The following KCNH8 variants were observed in gnomAD, a reference collection of about 807,000 sequenced individuals.
The protein encoded by KCNH8 is potassium voltage-gated channel subfamily H member 8.
A neutral mutation model predicts 103.6 loss-of-function variants in KCNH8; 70 were observed. The ratio of observed to expected loss-of-function variants is 0.68; its 90% confidence interval spans 0.56 to 0.82. The LOEUF (loss-of-function observed/expected upper bound fraction) is 0.82. Ranked by LOEUF, KCNH8 falls within the 40% of genes least tolerant of loss-of-function variation. The pLI is 0.00. For missense variants in KCNH8, 1,217 were observed against 1,329.9 expected, an observed-to-expected ratio of 0.92 and a Z score of 1.32; for synonymous variants, 498 against 489.4, an observed-to-expected ratio of 1.02 and a Z score of -0.23.
chr3:19,154,917 T>G (rs182047941), intron 1 of KCNH8, among the ~76,000 whole-genome samples: 79 of 152,384 alleles, frequency 5.2e-4, no homozygotes, highest in African/African-American at 1.8e-3. Flanking sequence ...CTAAATGCTG[T>G]GTTTAAAATC....
intron 11 of KCNH8, among the ~76,000 whole-genome samples, chr3:19,510,010 AAGG>A (rs1405352457): frequency 6.6e-6 from 1 of 152,142 alleles, no homozygotes; most frequent in African/African-American, 2.4e-5. Context: ...GGAAAAAAAA[AAGG>A]AGAGAGAATG....
intron 2 of KCNH8, among the ~76,000 whole-genome samples, chr3:19,273,561 A>C (rs923009784): frequency 6.6e-6 from 1 of 152,186 alleles, no homozygotes; most frequent in Non-Finnish European, 1.5e-5. Context: ...TGCATCCTAC[A>C]CAGAGCTGCC....
At chr3:19,341,315 TTCTA>T (rs1199601209) in intron 3 of KCNH8, among the ~76,000 whole-genome samples, 1 of 152,078 alleles carries the variant, frequency 6.6e-6, no homozygotes, top group African/African-American at 2.4e-5. Flanking sequence ...CTCAGGTGTT[TTCTA>T]TCTATCAGGA....
chr3:19,182,735 T>TA (rs2063466999), intron 1 of KCNH8, among the ~76,000 whole-genome samples: 1 of 152,306 alleles, frequency 6.6e-6, no homozygotes, highest in East Asian at 1.9e-4. Context: ...TGAGTGAGCG[T>TA]AAGTAAGAAC....
chr3:19,386,355 G>C (rs2066356347), intron 5 of KCNH8, among the ~76,000 whole-genome samples: 1 of 152,012 alleles, frequency 6.6e-6, no homozygotes, highest in Non-Finnish European at 1.5e-5. Context: ...ATTATATTCT[G>C]CTTCTTTTGG....
At chr3:19,504,388 C>G (rs1447956887) in intron 11 of KCNH8, among the ~76,000 whole-genome samples, 1 of 151,908 alleles carries the variant, frequency 6.6e-6, no homozygotes, top group Non-Finnish European at 1.5e-5. Flanking sequence ...ACACTATCAA[C>G]AAACAGCCTA....
At chr3:19,198,794 G>A (rs2063627878) in intron 1 of KCNH8, among the ~76,000 whole-genome samples, 1 of 152,010 alleles carries the variant, frequency 6.6e-6, no homozygotes, top group East Asian at 1.9e-4. Context: ...GTATTTCTTA[G>A]AATGTTGAAT....
chr3:19,239,187 T>C (rs921596719), intron 1 of KCNH8, among the ~76,000 whole-genome samples: 1 of 152,148 alleles, frequency 6.6e-6, no homozygotes, highest in Non-Finnish European at 1.5e-5. Context: ...CATCTGGCTA[T>C]AGGCTTTTGC....
Position 19,487,405 on chromosome 3 carries a change from C to T in KCNH8, c.2041-22958C>T, listed in dbSNP as rs1461413882. Among the ~76,000 whole-genome samples, 5 of 152,142 alleles carry T rather than the reference C, an allele frequency of 3.3e-5. 1 individual carries two copies. Among genetic ancestry groups the T allele is most frequent in the Non-Finnish European group, 2.9e-5 (2 of 68,026 alleles). On this transcript the variant is annotated intron_variant, in intron 11 of 15. Coordinates refer to ENST00000328405, the MANE Select transcript of KCNH8 (RefSeq NM_144633.3). ...CTGGCCGGTAGTCCTTTGTCCCTGGCTTAGGGACAGGCAGGAGGTAGGTGT... is the reference window on the plus strand; with the variant it reads ...CTGGCCGGTAGTCCTTTGTCCCTGGTTTAGGGACAGGCAGGAGGTAGGTGT...
intron 3 of KCNH8, among the ~76,000 whole-genome samples, chr3:19,340,362 T>A (rs186121033): frequency 6.6e-6 from 1 of 150,826 alleles, no homozygotes; most frequent in East Asian, 1.9e-4. Context: ...TTTTAATTTT[T>A]TTTTTTTTTA....
chr3:19,216,555 G>A (rs1273848877), intron 1 of KCNH8, among the ~76,000 whole-genome samples: 1 of 152,176 alleles, frequency 6.6e-6, no homozygotes, highest in Non-Finnish European at 1.5e-5. Flanking sequence ...ATAAGCAAGT[G>A]TCACCAGCAG....
chr3:19,242,220 A>G (rs1328492174), intron 1 of KCNH8, among the ~76,000 whole-genome samples: 3 of 152,202 alleles, frequency 2.0e-5, no homozygotes, highest in Non-Finnish European at 4.4e-5. Flanking sequence ...ATTTTTCTGC[A>G]AAGATTTCTA....
chr3:19,411,776 GAC>G (rs148081857), intron 7 of KCNH8, among the ~76,000 whole-genome samples: 40 of 145,796 alleles, frequency 2.7e-4, no homozygotes, highest in Non-Finnish European at 3.5e-4. Context: ...CACACACACA[GAC>G]ACACACACAC....
At chr3:19,497,095 C>T (rs956322014) in intron 11 of KCNH8, among the ~76,000 whole-genome samples, 3 of 152,062 alleles carry the variant, frequency 2.0e-5, no homozygotes, top group Non-Finnish European at 4.4e-5. Flanking sequence ...TCAGTGGTAA[C>T]ATCCCCTTTG....
chr3:19,383,942 T>A (rs911481638), intron 5 of KCNH8, among the ~76,000 whole-genome samples: 90 of 152,292 alleles, frequency 5.9e-4, no homozygotes, highest in African/African-American at 2.0e-3. Context: ...AAATTATTTT[T>A]ATTAAAAATG....
At chr3:19,337,508 T>C (rs1480151648) in intron 3 of KCNH8, among the ~76,000 whole-genome samples, 1 of 152,072 alleles carries the variant, frequency 6.6e-6, no homozygotes, top group Non-Finnish European at 1.5e-5. Flanking sequence ...TTTACTCATT[T>C]ACCTTCATTG....
In KCNH8 at chr3:19,334,079, A is replaced by C. The variant is rs544628170; in HGVS notation, c.443-8508A>C. The stretch of plus-strand genomic sequence containing the variant: ...CAGCAGCTAAAACTGGGTGCTCTGC[A>C]GAGTTGTCTCGAATTGGGCAGAGGC... On this transcript the variant is annotated intron_variant, in intron 3 of 15. Transcript: ENST00000328405. 4.6e-5 allele frequency among the ~76,000 whole-genome samples: 7 copies of C among 152,314 alleles called. No homozygotes were observed. The South Asian group carries it at 1.2e-3, about 27-fold the overall frequency.
At chr3:19,313,414 T>G (rs370879917) in intron 3 of KCNH8, among the ~76,000 whole-genome samples, 1 of 151,932 alleles carries the variant, frequency 6.6e-6, no homozygotes, top group African/African-American at 2.4e-5. Flanking sequence ...AGCTACAGTA[T>G]AAAATAATTG....
Position 19,468,173 on chromosome 3 carries a change from T to C in KCNH8, c.2040+11191T>C, listed in dbSNP as rs574353696. On this transcript the variant is annotated intron_variant, in intron 11 of 15. Coordinates refer to ENST00000328405, the MANE Select transcript of KCNH8 (RefSeq NM_144633.3). Reference sequence around the variant, plus strand: ...TATTTTCTTGCTCATGATTAGTTTCTCCTACCAAAACCTATTTTATGAAAC... The same window carrying C: ...TATTTTCTTGCTCATGATTAGTTTCCCCTACCAAAACCTATTTTATGAAAC... Among the ~76,000 whole-genome samples, 21 of 152,360 alleles carry C rather than the reference T, an allele frequency of 1.4e-4. No individual in the cohort carries two copies. In the East Asian group the frequency reaches 3.9e-3, roughly 28 times the overall value.
Sources: allele counts gnomAD v4.1 joint callset (sites outside exome capture counted in the v4.1 genomes callset), GRCh38; gene constraint gnomAD v4.1.1; transcripts MANE v1.5; gene names NCBI Gene and HGNC (gene_info 2026-07-23, HGNC 2026-07-21).